Variants in HSD3B7 observed in about 807,000 individuals in gnomAD.
HSD3B7 encodes the protein 3 beta-hydroxysteroid dehydrogenase type 7.
HSD3B7 carries 35 observed loss-of-function variants against 34.3 expected under a neutral mutation model. The ratio of observed to expected loss-of-function variants is 1.02; its 90% confidence interval spans 0.78 to 1.35. The LOEUF (loss-of-function observed/expected upper bound fraction) is 1.35. Among genes scored for constraint, HSD3B7 ranks in the 40% most tolerant of loss-of-function variants. The probability of loss-of-function intolerance (pLI) is 0.00; values close to 1 mark genes in which losing one functional copy is unlikely to be tolerated. For missense variants in HSD3B7, 426 were observed against 504.7 expected (o/e 0.84, Z 1.49); for synonymous variants, 217 against 220.1 (o/e 0.99, Z 0.13).
At position 30,985,322 on chromosome 16, in the gene HSD3B7, C is replaced by T. The variant is rs1296085062; in HGVS notation, c.-7+25C>T. ...GGTAGGCAGAGGCGCTGCCAGTGCC[C>T]AGGTGGCCTTTCCCTCCATCCGGCC... On this transcript the variant is annotated intron_variant, in intron 1 of 6. Coordinates refer to ENST00000297679, the MANE Select transcript of HSD3B7 (RefSeq NM_025193.4). The T allele has an allele frequency of 2.4e-6, 3 of 1,232,458 alleles. No homozygotes were observed. In the African/African-American group the frequency reaches 4.7e-5, roughly 19 times the overall value. The allele number at this position is 1,232,458 out of a possible 1,614,324, so 76.3% of individuals were successfully genotyped here.
chr16:30,985,463 G>T (rs757749644), intron 1 of HSD3B7, 166 bp downstream of exon 1: 2 of 1,465,580 alleles, frequency 1.4e-6, no homozygotes, highest in South Asian at 1.4e-5. Context: ...CCCCAAGCCC[G>T]CCCCTCTCTC....
chr16:30,985,271 C>T lies in HSD3B7; in HGVS notation c.-33C>T. 1.7e-6 allele frequency: 2 copies of T among 1,172,876 alleles called. No individual in the cohort carries two copies. The highest frequency in any genetic ancestry group is 4.0e-5 in the Admixed American group (1 of 25,160). 72.7% of individuals were successfully genotyped at this position (1,172,876 alleles called of 1,614,324 possible). On this transcript the variant is annotated 5_prime_UTR_variant, in exon 1 of 7. Coordinates refer to ENST00000297679, the MANE Select transcript of HSD3B7 (RefSeq NM_025193.4). ...AAGAAGAGGGCCCCTCCAGGCCAGT[C>T]TGGGCACCCTGGGATAGCGGCTGCA... is the stretch of plus-strand genomic sequence containing the variant.
At chr16:30,985,624 C>A in intron 1 of HSD3B7, 29 bp from the exon 2 acceptor site, 1 of 1,582,440 alleles carries the variant, frequency 6.3e-7, no homozygotes, top group Admixed American at 1.8e-5. Context: ...GGCAGCCAGC[C>A]CCTGGATGAG....
Position 30,987,606 on chromosome 16 carries a change from G to C in HSD3B7, c.695-162G>C, listed in dbSNP as rs2056502300. 1.0e-5 allele frequency: 8 copies of C among 779,874 alleles called. No individual in the cohort carries two copies. The East Asian group carries it at 2.0e-4, about 20-fold the overall frequency. 48.3% of individuals were successfully genotyped at this position (779,874 alleles called of 1,614,324 possible). ...GATGCAGGCTGGCCCAGGAGAGCAA[G>C]TGACTACCAGGGCGAGGGAGAAGGC... On this transcript the variant is annotated intron_variant, in intron 6 of 6. Transcript: ENST00000297679.
chr16:30,988,092 G>A lies in HSD3B7; in HGVS notation c.1019G>A (p.Arg340His), dbSNP rs745915447. The stretch of plus-strand genomic sequence containing the variant: ...ACCGTCAGCACCGACAAGGCTCAGC[G>A]CCATTTCGGCTATGAGCCCCTGTTC... ...TFTVSTDKAQ[R>H]HFGYEPLFSW... Residue 340 changes from arginine (R) to histidine (H), a missense_variant, in exon 7 of 7, where the codon CGC (arginine) becomes CAC (histidine). By Grantham distance (29) the Arg-to-His change is conservative. Transcript: ENST00000297679. 2.5e-6 allele frequency: 4 copies of A among 1,605,844 alleles called. No homozygotes were observed. The highest frequency in any genetic ancestry group is 1.7e-6 in the Non-Finnish European group (2 of 1,178,650).
chr16:30,988,377 G>C lies in HSD3B7; in HGVS notation c.*194G>C, dbSNP rs1229781923. On this transcript the variant is annotated 3_prime_UTR_variant, in exon 7 of 7. Transcript: ENST00000297679. Reference sequence around the variant, plus strand: ...AGACAGGGTCTTGCTCTGTCACCCAGACTGGAGTGCAGTGGTGTGATCATA... The same window carrying C: ...AGACAGGGTCTTGCTCTGTCACCCACACTGGAGTGCAGTGGTGTGATCATA... 1 of 601,486 alleles carries C rather than the reference G, an allele frequency of 1.7e-6. No individual in the cohort carries two copies. Among genetic ancestry groups the C allele is most frequent in the Non-Finnish European group, 2.9e-6 (1 of 341,830 alleles). The allele number at this position is 601,486 out of a possible 1,614,324, so 37.3% of individuals were successfully genotyped here. A position where few individuals can be genotyped will look rare whatever the true frequency, so the allele number is the denominator to read the frequency against.
intron 1 of HSD3B7, 158 bp downstream of exon 1, chr16:30,985,455 C>T: frequency 6.8e-7 from 1 of 1,467,412 alleles, no homozygotes; most frequent in Non-Finnish European, 9.0e-7. Flanking sequence ...TTCCTGCACC[C>T]CAAGCCCGCC....
chr16:30,987,417 A>G (rs2056498644), intron 6 of HSD3B7: 8 of 429,846 alleles, frequency 1.9e-5, no homozygotes, highest in Non-Finnish European at 3.5e-5. Context: ...ACTGCACTCC[A>G]GCCTGGATGA....
In HSD3B7 at chr16:30,986,155, C is replaced by T. The variant is rs200616143; in HGVS notation, c.273C>T (p.Asp91=). 82 of 1,614,046 alleles carry T rather than the reference C, an allele frequency of 5.1e-5. No homozygotes were observed. In the East Asian group the frequency reaches 1.6e-3, roughly 31 times the overall value. ...HVVIHTAGLV[D]VFGRASPKTI... Reference sequence around the variant, plus strand: ...TCATCCACACGGCTGGGCTGGTAGACGTGTTTGGCAGGGCCAGTCCCAAGA... The same window carrying T: ...TCATCCACACGGCTGGGCTGGTAGATGTGTTTGGCAGGGCCAGTCCCAAGA... The change falls in exon 3 of 7, where the codon GAC becomes GAT. Residue 91 remains aspartate, a synonymous_variant. Coordinates refer to ENST00000297679, the MANE Select transcript of HSD3B7 (RefSeq NM_025193.4).
chr16:30,985,504 C>T (rs1308096216), intron 1 of HSD3B7, 149 bp from the exon 2 acceptor site: 1 of 1,509,788 alleles, frequency 6.6e-7, no homozygotes, highest in Non-Finnish European at 8.8e-7. Context: ...GGGCAGACGG[C>T]AGGTGGCCTG....
At position 30,988,556 on chromosome 16, in the gene HSD3B7, C is replaced by T. The variant is rs1465810136; in HGVS notation, c.*373C>T. 1.5e-5 allele frequency: 3 copies of T among 197,426 alleles called. No individual in the cohort carries two copies. Among genetic ancestry groups the T allele is most frequent in the Non-Finnish European group, 3.2e-5 (3 of 94,710 alleles). 12.2% of individuals were successfully genotyped at this position (197,426 alleles called of 1,614,324 possible). ...ATATTGCTCAGGCTGGTCTTGAACT[C>T]CTGGGCTCAAGTGATCTTCCCACGT... On this transcript the variant is annotated 3_prime_UTR_variant, in exon 7 of 7. Transcript: ENST00000297679.
Position 30,985,288 on chromosome 16 carries a change from G to C in HSD3B7, c.-16G>C. On this transcript the variant is annotated 5_prime_UTR_variant, in exon 1 of 7. Coordinates refer to ENST00000297679, the MANE Select transcript of HSD3B7 (RefSeq NM_025193.4). Reference sequence around the variant, plus strand: ...AGGCCAGTCTGGGCACCCTGGGATAGCGGCTGCAGGTAGGCAGAGGCGCTG... The same window carrying C: ...AGGCCAGTCTGGGCACCCTGGGATACCGGCTGCAGGTAGGCAGAGGCGCTG... 1 of 1,189,318 alleles carries C rather than the reference G, an allele frequency of 8.4e-7. No homozygotes were observed. Among genetic ancestry groups the C allele is most frequent in the Non-Finnish European group, 1.1e-6 (1 of 945,514 alleles). 73.7% of individuals were successfully genotyped at this position (1,189,318 alleles called of 1,614,324 possible). A position where few individuals can be genotyped will look rare whatever the true frequency, so the allele number is the denominator to read the frequency against.
At chr16:30,985,856 G>C (rs943147772) in intron 2 of HSD3B7, 32 bp downstream of exon 2, 48 of 1,588,808 alleles carry the variant, frequency 3.0e-5, no homozygotes, top group Non-Finnish European at 4.1e-5. Context: ...GGTGGAGAGG[G>C]TGTGGACGCT....
intron 6 of HSD3B7, chr16:30,987,522 CCT>C: frequency 1.7e-6 from 1 of 586,816 alleles, no homozygotes; most frequent in Admixed American, 3.0e-5. Flanking sequence ...AGTCCCCAAG[CCT>C]CTCAGGGCCC....
rs2056517184 is a variant in HSD3B7, at chr16:30,988,198, C to T, written c.*15C>T. 6.3e-7 allele frequency: 1 copy of T among 1,578,946 alleles called. No homozygotes were observed. Among genetic ancestry groups the T allele is most frequent in the Non-Finnish European group, 8.6e-7 (1 of 1,168,472 alleles). On this transcript the variant is annotated 3_prime_UTR_variant, in exon 7 of 7. Transcript: ENST00000297679. ...CAGCCCAGTGACGGTGGGGCTGGGG[C>T]CTGGAGGCCCAGATACAGCACATCC... is the stretch of plus-strand genomic sequence containing the variant.
rs560826820 is a variant in HSD3B7, at chr16:30,986,672, G to T, written c.499G>T (p.Glu167Ter). Residue 167 changes from glutamate to a stop codon, truncating the protein, a stop_gained, in exon 5 of 7, where the codon GAG becomes TAG. Transcript: ENST00000297679. LOFTEE classifies it high-confidence loss of function. ...HPYPCSKALA[E>*]WLVLEANGRK... ...CTATCCTTGCAGCAAGGCCCTGGCC[G>T]AGTGGCTGGTCCTGGAGGCCAACGG... 4 of 1,614,026 alleles carry T rather than the reference G, an allele frequency of 2.5e-6. No individual in the cohort carries two copies. The African/African-American group carries it at 5.3e-5, about 22-fold the overall frequency.
rs376746447 is a variant in HSD3B7, at chr16:30,986,877, G to T, written c.569G>T (p.Arg190Leu). The T allele has an allele frequency of 6.2e-7, 1 of 1,613,972 alleles. No individual in the cohort carries two copies. Among genetic ancestry groups the T allele is most frequent in the East Asian group, 2.2e-5 (1 of 44,882 alleles). The change falls in exon 6 of 7, where the codon CGT becomes CTT. Residue 190 changes from arginine (R) to leucine (L), a missense_variant. By Grantham distance (102) the Arg-to-Leu change is moderately radical (BLOSUM62 -2). Coordinates refer to ENST00000297679, the MANE Select transcript of HSD3B7 (RefSeq NM_025193.4). ...CTGCCCCTGGTGACGTGTGCCCTTC[G>T]TCCCACGGGCATCTACGGTGAAGGC... ...GGLPLVTCAL[R>L]PTGIYGEGHQ...
At chr16:30,986,556 C>T (rs758578120) in intron 4 of HSD3B7, 25 bp downstream of exon 4, 5 of 1,613,006 alleles carry the variant, frequency 3.1e-6, no homozygotes, top group Admixed American at 1.7e-5. Context: ...CTCTTGTCCT[C>T]TAAGAGCCCA....
Position 30,986,901 on chromosome 16 carries a change from G to T in HSD3B7, c.593G>T (p.Gly198Val). 6.2e-7 allele frequency: 1 copy of T among 1,613,896 alleles called. No individual in the cohort carries two copies. The highest frequency in any genetic ancestry group is 8.5e-7 in the Non-Finnish European group (1 of 1,180,032). The change falls in exon 6 of 7, where the codon GGC becomes GTC. Residue 198 changes from glycine (G) to valine (V), a missense_variant. Coordinates refer to ENST00000297679, the MANE Select transcript of HSD3B7 (RefSeq NM_025193.4). ...ALRPTGIYGE[G>V]HQIMRDFYRQ... is the part of the protein sequence containing the mutation. ...CGTCCCACGGGCATCTACGGTGAAGGCCACCAGATCATGAGGGACTTCTAC... is the reference window on the plus strand; with the variant it reads ...CGTCCCACGGGCATCTACGGTGAAGTCCACCAGATCATGAGGGACTTCTAC...
Sources: gnomAD v4.1 joint callset for allele counts on GRCh38, gnomAD v4.1.1 for gene constraint, MANE v1.5 for transcripts, NCBI Gene and HGNC (gene_info 2026-07-23, HGNC 2026-07-21) for gene names.